Variants in PCCA observed in about 807,000 individuals in gnomAD.
PCCA encodes the protein propionyl-CoA carboxylase subunit alpha.
A neutral mutation model predicts 101.3 loss-of-function variants in PCCA; 74 were observed. That is an observed-to-expected ratio of 0.73 (90% CI 0.61 to 0.89). The LOEUF (loss-of-function observed/expected upper bound fraction) is 0.89, where lower values mean the gene tolerates loss of function less well. Ranked by LOEUF, PCCA falls within the 40% of genes least tolerant of loss-of-function variation. The pLI, the probability that PCCA is intolerant of heterozygous loss-of-function variation, is 0.00. For synonymous variants in PCCA, 294 were observed against 313.6 expected (o/e 0.94, Z 0.66); for missense variants, 891 against 907.0 (o/e 0.98, Z 0.23).
In PCCA at chr13:100,278,839, G is replaced by A. The variant is rs545320979; in HGVS notation, c.1065+5493G>A. ...TGGTCAAGACTATCTAAGTACCTAT[G>A]TTTTGTGTATTGGATAGCTTGCTAG... On this transcript the variant is annotated intron_variant, in intron 12 of 23. Coordinates refer to ENST00000376285, the MANE Select transcript of PCCA (RefSeq NM_000282.4). 2.6e-5 allele frequency among the ~76,000 whole-genome samples: 4 copies of A among 152,122 alleles called. No homozygotes were observed. In the South Asian group the frequency reaches 8.3e-4, roughly 32 times the overall value.
chr13:100,506,327 C>A (rs1015036359), intron 21 of PCCA, among the ~76,000 whole-genome samples: 1 of 151,210 alleles, frequency 6.6e-6, no homozygotes. Context: ...TCTTAGGCAA[C>A]CCCCCTACCA....
At chr13:100,146,639 C>G (rs1324260797) in intron 4 of PCCA, among the ~76,000 whole-genome samples, 1 of 151,004 alleles carries the variant, frequency 6.6e-6, no homozygotes, top group East Asian at 1.9e-4. Flanking sequence ...TGCAAATGTG[C>G]CCAAACTCAC....
At chr13:100,465,849 C>T (rs961239918) in intron 21 of PCCA, among the ~76,000 whole-genome samples, 2 of 152,340 alleles carry the variant, frequency 1.3e-5, no homozygotes, top group African/African-American at 2.4e-5. Flanking sequence ...TACTTGAATA[C>T]CTTATGCGAA....
chr13:100,327,465 A>G (rs530634732), intron 16 of PCCA, among the ~76,000 whole-genome samples: 2 of 152,280 alleles, frequency 1.3e-5, no homozygotes, highest in South Asian at 4.1e-4. Context: ...TTGTTAATTC[A>G]TTTGCCTCTT....
At chr13:100,200,296 G>A (rs1407380204) in intron 6 of PCCA, among the ~76,000 whole-genome samples, 1 of 152,042 alleles carries the variant, frequency 6.6e-6, no homozygotes, top group Non-Finnish European at 1.5e-5. Flanking sequence ...AGTATAGATG[G>A]GGTTTCACCA....
intron 6 of PCCA, among the ~76,000 whole-genome samples, chr13:100,177,906 C>A (rs1449113837): frequency 7.4e-5 from 11 of 149,152 alleles, no homozygotes; most frequent in Non-Finnish European, 9.0e-5. Context: ...TGAAGGAGAT[C>A]TTTTTTTTTT....
intron 21 of PCCA, among the ~76,000 whole-genome samples, chr13:100,467,021 G>A (rs763019086): frequency 6.6e-6 from 1 of 152,118 alleles, no homozygotes; most frequent in African/African-American, 2.4e-5. Context: ...ACCTAGCACC[G>A]TATGTTTGTC....
intron 18 of PCCA, among the ~76,000 whole-genome samples, chr13:100,341,957 G>GTATGTATATATATATATATA (rs1555426163): frequency 1.9e-5 from 2 of 107,172 alleles, no homozygotes; most frequent in African/African-American, 8.6e-5. Flanking sequence ...ACCCTTCAAA[G>GTATGTATATATATATATATA]TATATATATA....
Position 100,504,015 on chromosome 13 carries a change from T to C in PCCA, c.1900-11412T>C, listed in dbSNP as rs36094195. On this transcript the variant is annotated intron_variant, in intron 21 of 23. Transcript: ENST00000376285. ...GTGAGTAAAAGATATACAATAAAAA[T>C]TGACATTACCGAAGGGGAGTGGGAT... 2.7e-3 allele frequency among the ~76,000 whole-genome samples: 409 copies of C among 152,310 alleles called. 1 individual carries two copies. Among genetic ancestry groups the C allele is most frequent in the Non-Finnish European group, 4.5e-3 (308 of 68,030 alleles).
chr13:100,322,013 C>T (rs950042409), intron 16 of PCCA, among the ~76,000 whole-genome samples: 1 of 152,126 alleles, frequency 6.6e-6, no homozygotes, highest in Non-Finnish European at 1.5e-5. Context: ...AACACATGCA[C>T]TAGGGTACAG....
At chr13:100,307,860 TTTA>T (rs2066579087) in intron 15 of PCCA, among the ~76,000 whole-genome samples, 1 of 152,286 alleles carries the variant, frequency 6.6e-6, no homozygotes, top group East Asian at 1.9e-4. Flanking sequence ...TTATTTTTAT[TTTA>T]TTATTATTTT....
At chr13:100,175,609 C>T (rs1424248196) in intron 6 of PCCA, among the ~76,000 whole-genome samples, 1 of 152,276 alleles carries the variant, frequency 6.6e-6, no homozygotes, top group East Asian at 1.9e-4. Context: ...GGTTTCAGCA[C>T]ATGTCAGTAA....
At chr13:100,409,274 C>T (rs2077878095) in intron 19 of PCCA, among the ~76,000 whole-genome samples, 1 of 152,126 alleles carries the variant, frequency 6.6e-6, no homozygotes, top group Non-Finnish European at 1.5e-5. Flanking sequence ...GTTTTGAGTC[C>T]CCATTTCACT....
chr13:100,348,643 CTT>C (rs1173356122), intron 18 of PCCA, among the ~76,000 whole-genome samples: 13 of 151,958 alleles, frequency 8.6e-5, no homozygotes, highest in African/African-American at 3.1e-4. Context: ...TTTTAGTAAT[CTT>C]TATTTTTGCT....
intron 4 of PCCA, among the ~76,000 whole-genome samples, chr13:100,122,609 T>G (rs2049520251): frequency 6.6e-6 from 1 of 152,206 alleles, no homozygotes; most frequent in African/African-American, 2.4e-5. Flanking sequence ...CTTATTGGTA[T>G]AGTATTTTCT....
At chr13:100,223,711 C>A (rs1489921226) in intron 7 of PCCA, among the ~76,000 whole-genome samples, 2 of 152,102 alleles carry the variant, frequency 1.3e-5, no homozygotes, top group Non-Finnish European at 2.9e-5. Context: ...ATTGGTAGAG[C>A]CTGGTGGTCT....
intron 12 of PCCA, among the ~76,000 whole-genome samples, chr13:100,296,650 C>G (rs931849101): frequency 3.9e-5 from 6 of 152,144 alleles, no homozygotes; most frequent in Non-Finnish European, 2.9e-5. Flanking sequence ...CTCATATTTA[C>G]CACATTTACT....
chr13:100,370,123 C>A (rs546610729), intron 19 of PCCA, among the ~76,000 whole-genome samples: 5 of 130,066 alleles, frequency 3.8e-5, no homozygotes, highest in African/African-American at 1.5e-4. Context: ...GCTCTGTCGC[C>A]CAGAGGCTGG....
chr13:100,264,108 TAC>T (rs2062752883), intron 10 of PCCA, among the ~76,000 whole-genome samples: 2 of 145,252 alleles, frequency 1.4e-5, no homozygotes, highest in South Asian at 2.2e-4. Flanking sequence ...ATCGTATATA[TAC>T]GGTATCTGTA....
Sources: gnomAD v4.1 joint callset for allele counts (sites outside exome capture counted in the v4.1 genomes callset) on GRCh38, gnomAD v4.1.1 for gene constraint, MANE v1.5 for transcripts, NCBI Gene and HGNC (gene_info 2026-07-23, HGNC 2026-07-21) for gene names.